UBA6: variants seen among roughly 807,000 people sequenced by gnomAD.
The protein encoded by UBA6 is ubiquitin like modifier activating enzyme 6.
A neutral mutation model predicts 148.3 loss-of-function variants in UBA6; 87 were observed. The observed-to-expected ratio is 0.59, with a 90% CI of 0.49 to 0.70. The LOEUF (loss-of-function observed/expected upper bound fraction) is 0.70, where lower values mean the gene tolerates loss of function less well. UBA6 is among the 30% of genes least tolerant of loss of function. The pLI, the probability that UBA6 is intolerant of heterozygous loss-of-function variation, is 0.00. For missense variants in UBA6, 1,186 were observed against 1,241.2 expected (o/e 0.96, Z 0.67); for synonymous variants, 376 against 401.0 (o/e 0.94, Z 0.75).
Position 67,701,075 on chromosome 4 carries a change from C to A in UBA6, c.45G>T (p.Ala15=), listed in dbSNP as rs1212616307. Residue 15 remains alanine, a synonymous_variant, in exon 1 of 33, where the codon GCG becomes GCT. Coordinates refer to ENST00000322244, the MANE Select transcript of UBA6 (RefSeq NM_018227.6). ...EPVAAHQGEE[A]SCSSWGTGST... is the part of the protein sequence containing the mutation. ...TGCCAGTCCCCCAGGAAGAACAGGA[C>A]GCCTCTTCCCCCTGATGGGCGGCCA... 5.0e-6 allele frequency: 8 copies of A among 1,613,790 alleles called. No homozygotes were observed. The highest frequency in any genetic ancestry group is 6.8e-6 in the Non-Finnish European group (8 of 1,179,796).
At chr4:67,672,473 C>A (rs746355118) in intron 7 of UBA6, among the ~76,000 whole-genome samples, 5 of 152,186 alleles carry the variant, frequency 3.3e-5, no homozygotes, top group Non-Finnish European at 7.3e-5. Context: ...CCCTGGACCA[C>A]ACTTTGAAAA....
chr4:67,662,503 C>G (rs183528747), intron 12 of UBA6: 113 of 355,344 alleles, frequency 3.2e-4, no homozygotes, highest in African/African-American at 2.3e-3. Context: ...GTCTCACTGT[C>G]ACCCAGGCTG....
Position 67,696,664 on chromosome 4 carries a change from T to C in UBA6, c.115A>G (p.Ile39Val). 6.2e-7 allele frequency: 1 copy of C among 1,608,322 alleles called. No individual in the cohort carries two copies. The highest frequency in any genetic ancestry group is 1.7e-5 in the Admixed American group (1 of 59,478). Residue 39 changes from isoleucine (I) to valine (V), a missense_variant, in exon 2 of 33, where the codon ATC (isoleucine) becomes GTC (valine). Coordinates refer to ENST00000322244, the MANE Select transcript of UBA6 (RefSeq NM_018227.6). Reference protein sequence around the residue: ...LPIMSTASVEIDDALYSRQRY... With the variant: ...LPIMSTASVEVDDALYSRQRY... ...TCTTACCTATACAATGCATCATCGATTTCCACAGATGCTGTTGACATAATG... is the reference window on the plus strand; with the variant it reads ...TCTTACCTATACAATGCATCATCGACTTCCACAGATGCTGTTGACATAATG...
At chr4:67,672,824 C>T (rs1039200083) in intron 7 of UBA6, among the ~76,000 whole-genome samples, 2 of 152,142 alleles carry the variant, frequency 1.3e-5, no homozygotes, top group African/African-American at 4.8e-5. Flanking sequence ...CGGAGCCCTA[C>T]TCAAACATCA....
At position 67,696,638 on chromosome 4, in the gene UBA6, T is replaced by G. The variant is rs1018452395; in HGVS notation, c.134+7A>C. 1.3e-6 allele frequency: 2 copies of G among 1,593,908 alleles called. No homozygotes were observed. Among genetic ancestry groups the G allele is most frequent in the Non-Finnish European group, 1.7e-6 (2 of 1,168,972 alleles). Reference sequence around the variant, plus strand: ...AAAATAAGTTTCAGTTTCTATGAGATTCTTACCTATACAATGCATCATCGA... The same window carrying G: ...AAAATAAGTTTCAGTTTCTATGAGAGTCTTACCTATACAATGCATCATCGA... On this transcript the variant is annotated splice_region_variant and intron_variant, in intron 2 of 32. Coordinates refer to ENST00000322244, the MANE Select transcript of UBA6 (RefSeq NM_018227.6).
At chr4:67,660,463 T>C (rs1285269194) in intron 13 of UBA6, among the ~76,000 whole-genome samples, 1 of 152,218 alleles carries the variant, frequency 6.6e-6, no homozygotes, top group African/African-American at 2.4e-5. Flanking sequence ...GCTCAGGCTG[T>C]TGCTTCAGAG....
At chr4:67,666,446 A>G (rs1204345545) in intron 9 of UBA6, among the ~76,000 whole-genome samples, 1 of 151,530 alleles carries the variant, frequency 6.6e-6, no homozygotes, top group Non-Finnish European at 1.5e-5. Context: ...CAGAGTGAAC[A>G]CCAAACTCAG....
At chr4:67,637,911 C>G (rs940830088) in intron 19 of UBA6, among the ~76,000 whole-genome samples, 21 of 146,304 alleles carry the variant, frequency 1.4e-4, no homozygotes, top group Non-Finnish European at 2.7e-4. Flanking sequence ...TCCCCCTATG[C>G]GAGAAACACC....
chr4:67,700,000 T>A (rs1298832528), intron 1 of UBA6, among the ~76,000 whole-genome samples: 3 of 152,172 alleles, frequency 2.0e-5, no homozygotes, highest in African/African-American at 4.8e-5. Context: ...GCCTGGTGGG[T>A]AAATCTGAAT....
At chr4:67,639,553 T>C (rs1729253094) in intron 18 of UBA6, among the ~76,000 whole-genome samples, 1 of 152,172 alleles carries the variant, frequency 6.6e-6, no homozygotes, top group Admixed American at 6.5e-5. Flanking sequence ...AATACTTTGG[T>C]ACTAACATAT....
At chr4:67,641,023 C>T in intron 18 of UBA6, 128 bp downstream of exon 18, 2 of 655,364 alleles carry the variant, frequency 3.1e-6, no homozygotes, top group Middle Eastern at 3.7e-4. Context: ...TTGTCATTTC[C>T]ATTAATTGAT....
At chr4:67,656,874 C>G (rs1729711061) in intron 13 of UBA6, among the ~76,000 whole-genome samples, 1 of 152,056 alleles carries the variant, frequency 6.6e-6, no homozygotes, top group African/African-American at 2.4e-5. Context: ...ACAAGCATTC[C>G]TATACACCAA....
At chr4:67,670,190 CCT>C (rs1306001069) in intron 8 of UBA6, among the ~76,000 whole-genome samples, 3 of 152,116 alleles carry the variant, frequency 2.0e-5, no homozygotes, top group Non-Finnish European at 4.4e-5. Context: ...GTGATCCACC[CCT>C]GTCAGCCTCC....
rs140208156 is a variant in UBA6 at position 67,638,696 on chromosome 4, G to A, written c.1736+247C>T. ...AGAATAAGGGGAGCCAAGGAAGACT[G>A]GTAAATGTTACTCTGGCATGGTGAA... On this transcript the variant is annotated intron_variant, in intron 19 of 32. Coordinates refer to ENST00000322244, the MANE Select transcript of UBA6 (RefSeq NM_018227.6). Among the ~76,000 whole-genome samples, 500 of 152,268 alleles carry A rather than the reference G, an allele frequency of 3.3e-3. 2 individuals are homozygous for A. Among genetic ancestry groups the A allele is most frequent in the Non-Finnish European group, 5.2e-3 (353 of 68,020 alleles).
At chr4:67,656,128 A>T (rs1429681478) in intron 13 of UBA6, among the ~76,000 whole-genome samples, 1 of 152,242 alleles carries the variant, frequency 6.6e-6, no homozygotes, top group Non-Finnish European at 1.5e-5. Context: ...AGCTGGTACC[A>T]TTCCTTCTGA....
intron 11 of UBA6, chr4:67,663,618 ATC>A (rs571916037): frequency 6.2e-5 from 28 of 455,244 alleles, no homozygotes; most frequent in South Asian, 4.4e-4. Flanking sequence ...AGTTATTGAA[ATC>A]GTCTTATAAT....
rs1728598910 is a variant in UBA6, at chr4:67,614,994, A to G, written c.*4003T>C. The G allele has an allele frequency of 6.6e-6, 1 of 152,248 alleles. No individual in the cohort carries two copies. The highest frequency in any genetic ancestry group is 6.5e-5 in the Admixed American group (1 of 15,288). The allele number at this position is 152,248 out of a possible 1,614,324, so 9.4% of individuals were successfully genotyped here. A position where few individuals can be genotyped will look rare whatever the true frequency, so the allele number is the denominator to read the frequency against. ...ATAGAGAAATGCAGAGTGACACTTC[A>G]ATGAGATACAATTGCACATCCACCA... On this transcript the variant is annotated 3_prime_UTR_variant, in exon 33 of 33. Transcript: ENST00000322244.
At position 67,615,072 on chromosome 4, in the gene UBA6, G is replaced by A. The variant is rs1286338992; in HGVS notation, c.*3925C>T. Reference sequence around the variant, plus strand: ...TTAACACCAGCACTGACCAAGATATGGAGAAATATGGTTTGGATATTTGTC... The same window carrying A: ...TTAACACCAGCACTGACCAAGATATAGAGAAATATGGTTTGGATATTTGTC... On this transcript the variant is annotated 3_prime_UTR_variant, in exon 33 of 33. Transcript: ENST00000322244. 1 of 152,182 alleles carries A rather than the reference G, an allele frequency of 6.6e-6. No individual in the cohort carries two copies. The highest frequency in any genetic ancestry group is 1.5e-5 in the Non-Finnish European group (1 of 68,032). The allele number at this position is 152,182 out of a possible 1,614,324, so 9.4% of individuals were successfully genotyped here. A position where few individuals can be genotyped will look rare whatever the true frequency, so the allele number is the denominator to read the frequency against.
intron 2 of UBA6, among the ~76,000 whole-genome samples, chr4:67,692,106 C>G: frequency 6.6e-6 from 1 of 151,814 alleles, no homozygotes; most frequent in East Asian, 1.9e-4. Flanking sequence ...TTTGGTGCAC[C>G]CATCACCCAA....
Sources: gnomAD v4.1 joint callset for allele counts (sites outside exome capture counted in the v4.1 genomes callset) on GRCh38, gnomAD v4.1.1 for gene constraint, MANE v1.5 for transcripts, NCBI Gene and HGNC (gene_info 2026-07-23, HGNC 2026-07-21) for gene names.